Variants in SPAG9 observed in about 807,000 individuals in gnomAD.
The protein encoded by SPAG9 is sperm associated antigen 9.
In SPAG9, 35 loss-of-function variants were observed where a neutral mutation model predicts 166.5. The ratio of observed to expected loss-of-function variants is 0.21; its 90% CI spans 0.16 to 0.28. The LOEUF is 0.28. SPAG9 is among the 10% of genes least tolerant of loss of function. The probability of loss-of-function intolerance (pLI) is 1.00; values close to 1 mark genes in which losing one functional copy is unlikely to be tolerated. For synonymous variants in SPAG9, 534 were observed against 565.5 expected (o/e 0.94, Z 0.79); for missense variants, 1,235 against 1,603.3 (o/e 0.77, Z 3.92).
Position 51,046,766 on chromosome 17 carries a change from A to G in SPAG9, c.590+609T>C. 5 of 1,535,098 alleles carry G rather than the reference A, an allele frequency of 3.3e-6. No individual in the cohort carries two copies. In the South Asian group the frequency reaches 4.8e-5, roughly 15 times the overall value. On this transcript the variant is annotated intron_variant, in intron 4 of 29. Coordinates refer to ENST00000262013, the MANE Select transcript of SPAG9 (RefSeq NM_001130528.3). ...TGTCATTCAGCTTGCTGCCACAAAAACAATGCCATCAGCAGCAGCTTTCCA... is the reference window on the plus strand; with the variant it reads ...TGTCATTCAGCTTGCTGCCACAAAAGCAATGCCATCAGCAGCAGCTTTCCA...
intron 8 of SPAG9, chr17:51,016,312 T>C (rs1475658583): frequency 6.6e-6 from 1 of 152,114 alleles, no homozygotes; most frequent in East Asian, 1.9e-4. Context: ...TGATGTGGCA[T>C]CCAGGAAACA....
At chr17:51,080,609 G>T (rs1239872431) in intron 1 of SPAG9, among the ~76,000 whole-genome samples, 1 of 152,126 alleles carries the variant, frequency 6.6e-6, no homozygotes, top group Non-Finnish European at 1.5e-5. Context: ...AAGGCTGGGT[G>T]TGGTGGCTCA....
chr17:51,099,825 C>G lies in SPAG9; in HGVS notation c.304-20121G>C, dbSNP rs111317541. Reference sequence around the variant, plus strand: ...TTATCTTAAAAAAGACCCAGCCAGGCGCAGTGGCTCACGCCTGTAATCCCA... The same window carrying G: ...TTATCTTAAAAAAGACCCAGCCAGGGGCAGTGGCTCACGCCTGTAATCCCA... On this transcript the variant is annotated intron_variant, in intron 1 of 29. Coordinates refer to ENST00000262013, the MANE Select transcript of SPAG9 (RefSeq NM_001130528.3). Among the ~76,000 whole-genome samples the G allele has an allele frequency of 7.0e-3, 1,038 of 148,082 alleles. 17 individuals are homozygous for G. The highest frequency in any genetic ancestry group is 0.024 in the African/African-American group (966 of 39,950).
chr17:51,021,355 G>T lies in SPAG9; in HGVS notation c.794C>A (p.Ser265Tyr). The T allele has an allele frequency of 1.9e-6, 3 of 1,608,526 alleles. No individual in the cohort carries two copies. Among genetic ancestry groups the T allele is most frequent in the South Asian group, 1.1e-5 (1 of 89,486 alleles). ...TTTAGATCCGCCTTGGCTAACATCA[G>T]AAAGCTCATCCTACAAATAAAAATA... Reference protein sequence around the residue: ...QKAVEQEDELSDVSQGGSKAT... With the variant: ...QKAVEQEDELYDVSQGGSKAT... The change falls in exon 7 of 30, where the codon TCT (serine) becomes TAT (tyrosine). Residue 265 changes from serine (S) to tyrosine (Y), a missense_variant. Physicochemically the swap from Ser to Tyr is moderately radical, Grantham distance 144. Around this residue, in one of 6 missense-constraint regions of SPAG9, gnomAD observed 288 missense variants for 323.7 expected, o/e 0.89. Coordinates refer to ENST00000262013, the MANE Select transcript of SPAG9 (RefSeq NM_001130528.3).
In SPAG9 at chr17:51,120,856, T is replaced by G. The variant is rs1424269047; in HGVS notation, c.-200A>C. ...TAGGCGCTCTCACCCCAACCGCCGC[T>G]GCACCAACTGCCGGGGCGGCCCGGC... On this transcript the variant is annotated 5_prime_UTR_variant, in exon 1 of 30. Coordinates refer to ENST00000262013, the MANE Select transcript of SPAG9 (RefSeq NM_001130528.3). This position sits in a 1 kb window ranked among gnomAD's most constrained non-coding sequence, Gnocchi z 4.7. The G allele has an allele frequency of 6.1e-5, 19 of 311,930 alleles. No homozygotes were observed. The highest frequency in any genetic ancestry group is 1.1e-4 in the Non-Finnish European group (19 of 172,460). 19.3% of individuals were successfully genotyped at this position (311,930 alleles called of 1,614,324 possible).
chr17:51,053,159 TTTA>T (rs1439265639), intron 3 of SPAG9, among the ~76,000 whole-genome samples: 3 of 151,006 alleles, frequency 2.0e-5, no homozygotes, highest in East Asian at 1.9e-4. Flanking sequence ...AAAAACGTTG[TTTA>T]TTATTTATCA....
intron 5 of SPAG9, among the ~76,000 whole-genome samples, chr17:51,037,920 G>A (rs149174748): frequency 6.6e-6 from 1 of 151,552 alleles, no homozygotes; most frequent in Non-Finnish European, 1.5e-5. Flanking sequence ...TTTAATATAA[G>A]GAGTTTCTTT....
At chr17:51,076,779 T>C (rs1201562574) in intron 2 of SPAG9, among the ~76,000 whole-genome samples, 1 of 151,590 alleles carries the variant, frequency 6.6e-6, no homozygotes, top group Non-Finnish European at 1.5e-5. Context: ...ACCCTGCAGA[T>C]ATCAACAAGA....
At chr17:50,996,481 C>T (rs570565139) in intron 16 of SPAG9, 84 bp downstream of exon 16, 13 of 1,499,354 alleles carry the variant, frequency 8.7e-6, no homozygotes, top group Middle Eastern at 1.8e-4. Flanking sequence ...GGCTGGGATG[C>T]GTACAGTGAA....
rs541596530 is a variant in SPAG9, at chr17:51,001,980, G to A, written c.1477-135C>T. On this transcript the variant is annotated intron_variant, in intron 12 of 29. Transcript: ENST00000262013. ...TCTAGTAGATCATTTAAAGAAAAAT[G>A]GCTTTATAAAAACAAAATCAACAAA... The A allele has an allele frequency of 1.2e-5, 9 of 773,420 alleles. No homozygotes were observed. The Admixed American group carries it at 1.5e-4, about 13-fold the overall frequency. The allele number at this position is 773,420 out of a possible 1,614,324, so 47.9% of individuals were successfully genotyped here. A position where few individuals can be genotyped will look rare whatever the true frequency, so the allele number is the denominator to read the frequency against.
intron 1 of SPAG9, among the ~76,000 whole-genome samples, chr17:51,101,589 G>A (rs953357700): frequency 1.3e-5 from 2 of 151,898 alleles, no homozygotes; most frequent in African/African-American, 4.8e-5. Context: ...ATTAAAACTA[G>A]AAATTTGATT....
At chr17:50,972,841 A>T (rs749317410) in intron 28 of SPAG9, among the ~76,000 whole-genome samples, 5 of 152,270 alleles carry the variant, frequency 3.3e-5, no homozygotes, top group Non-Finnish European at 7.3e-5. Context: ...GCAAGAGCAC[A>T]GTGGTATTAC....
At chr17:51,068,511 A>G (rs2047734646) in intron 2 of SPAG9, among the ~76,000 whole-genome samples, 1 of 152,150 alleles carries the variant, frequency 6.6e-6, no homozygotes, top group Admixed American at 6.5e-5. Flanking sequence ...AACAAAGCTG[A>G]TGATTCTCCT....
intron 9 of SPAG9, 25 bp downstream of exon 9, chr17:51,014,207 T>C (rs2045607112): frequency 6.3e-7 from 1 of 1,574,984 alleles, no homozygotes; most frequent in East Asian, 2.3e-5. Context: ...AACAGTATGA[T>C]ATTTCTTCAG....
intron 28 of SPAG9, 30 bp from the exon 29 acceptor site, chr17:50,970,886 T>C: frequency 6.3e-7 from 1 of 1,586,492 alleles, no homozygotes; most frequent in Middle Eastern, 1.7e-4. Flanking sequence ...AAGTGAATAT[T>C]ACTTATCACA....
intron 9 of SPAG9, among the ~76,000 whole-genome samples, chr17:51,013,895 T>C (rs1238816060): frequency 1.9e-5 from 1 of 53,466 alleles, no homozygotes; most frequent in African/African-American, 7.0e-5. Context: ...CACACACACA[T>C]ACACATACAC....
chr17:50,990,742 G>A (rs1975474876), intron 19 of SPAG9, 74 bp from the exon 20 acceptor site: 1 of 1,217,802 alleles, frequency 8.2e-7, no homozygotes, highest in Admixed American at 1.9e-5. Context: ...AACAATTACA[G>A]GTTTGAAATG....
intron 9 of SPAG9, among the ~76,000 whole-genome samples, chr17:51,012,834 G>A (rs1012139344): frequency 4.6e-5 from 7 of 151,134 alleles, no homozygotes; most frequent in Non-Finnish European, 7.4e-5. Context: ...TGCAACCTCT[G>A]CCTCCCGGGT....
intron 1 of SPAG9, among the ~76,000 whole-genome samples, chr17:51,112,595 C>A (rs1952452003): frequency 7.1e-6 from 1 of 141,364 alleles, no homozygotes; most frequent in Non-Finnish European, 1.5e-5. Flanking sequence ...CGCTTGAACC[C>A]AGGTGGTGGA....
Sources: allele counts gnomAD v4.1 joint callset (sites outside exome capture counted in the v4.1 genomes callset), GRCh38; gene constraint gnomAD v4.1.1; regional missense constraint gnomAD v4.1.1; non-coding constraint Gnocchi (gnomAD v3.1); transcripts MANE v1.5; gene names NCBI Gene and HGNC (gene_info 2026-07-23, HGNC 2026-07-21).